MTUS1: variants seen among roughly 807,000 people sequenced by gnomAD.
MTUS1 encodes the protein microtubule associated scaffold protein 1, also known as microtubule-associated tumor suppressor 1.
In MTUS1, 109 loss-of-function variants were observed where a neutral mutation model predicts 120.8. The ratio of observed to expected loss-of-function variants is 0.90; its 90% CI spans 0.77 to 1.06. MTUS1 has a LOEUF of 1.06. MTUS1 is among the 50% of genes least tolerant of loss of function. MTUS1 has a pLI of 0.00. For synonymous variants in MTUS1, 737 were observed against 550.5 expected (o/e 1.34, Z -4.74); for missense variants, 2,210 against 1,486.3 (o/e 1.49, Z -8.01).
intron 3 of MTUS1, among the ~76,000 whole-genome samples, chr8:17,734,021 G>C (rs763571505): frequency 6.6e-6 from 1 of 151,986 alleles, no homozygotes; most frequent in East Asian, 1.9e-4. Context: ...AGCGAACTTT[G>C]GTATTTGTAA....
rs775373491 is a variant in MTUS1 at position 17,755,832 on chromosome 8, G to T, written c.-25C>A. 1 of 1,579,612 alleles carries T rather than the reference G, an allele frequency of 6.3e-7. No homozygotes were observed. The highest frequency in any genetic ancestry group is 1.2e-5 in the South Asian group (1 of 85,156). ...TCCTGAATAGTAACCTTAAACCTCT[G>T]CCATTTTATTTCTTCTTCAATTCCT... On this transcript the variant is annotated 5_prime_UTR_variant, in exon 2 of 15. Coordinates refer to ENST00000693296, the MANE Select transcript of MTUS1 (RefSeq NM_001363059.2).
chr8:17,719,798 A>C (rs573490542), intron 4 of MTUS1, among the ~76,000 whole-genome samples: 13 of 152,314 alleles, frequency 8.5e-5, no homozygotes, highest in Middle Eastern at 3.4e-3. Flanking sequence ...AAGAAAAAAA[A>C]CAAAAAACAA....
intron 1 of MTUS1, among the ~76,000 whole-genome samples, chr8:17,791,995 G>A (rs144913217): frequency 6.6e-6 from 1 of 152,260 alleles, no homozygotes; most frequent in East Asian, 1.9e-4. Context: ...CAAAGGTAAT[G>A]AAATTTCACT....
At chr8:17,784,878 G>C (rs1026244516) in intron 1 of MTUS1, among the ~76,000 whole-genome samples, 1 of 151,486 alleles carries the variant, frequency 6.6e-6, no homozygotes, top group Non-Finnish European at 1.5e-5. Context: ...TCCGCCTCCC[G>C]GCTTCAAGTG....
At chr8:17,732,205 G>GAGGACATT (rs2046632346) in intron 3 of MTUS1, among the ~76,000 whole-genome samples, 1 of 152,214 alleles carries the variant, frequency 6.6e-6, no homozygotes, top group South Asian at 2.1e-4. Context: ...GAGGCAGAAA[G>GAGGACATT]AGGACATTTA....
At chr8:17,676,429 C>A in intron 7 of MTUS1, 1 of 677,028 alleles carries the variant, frequency 1.5e-6, no homozygotes, top group Non-Finnish European at 2.7e-6. Flanking sequence ...ACATTCAAAG[C>A]TCTAGCAGGA....
chr8:17,755,896 GT>G lies in MTUS1; in HGVS notation c.-90del. The G allele has an allele frequency of 6.7e-7, 1 of 1,503,014 alleles. No individual in the cohort carries two copies. 93.1% of individuals were successfully genotyped at this position (1,503,014 alleles called of 1,614,324 possible). On this transcript the variant is annotated 5_prime_UTR_variant, in exon 2 of 15. Coordinates refer to ENST00000693296, the MANE Select transcript of MTUS1 (RefSeq NM_001363059.2). ...GTGGGCAAAATGGTCTGTCTTCTAG[GT>G]TTTTCAGCACAGTTGAAAGGTTTTC...
chr8:17,645,633 A>T lies in MTUS1; in HGVS notation c.*293T>A. Reference sequence around the variant, plus strand: ...TTTTCCCCCTATGCTTAGGTGAAAAAGGCAATGAACAAGATGCTCTCGTTC... The same window carrying T: ...TTTTCCCCCTATGCTTAGGTGAAAATGGCAATGAACAAGATGCTCTCGTTC... On this transcript the variant is annotated 3_prime_UTR_variant, in exon 15 of 15. Coordinates refer to ENST00000693296, the MANE Select transcript of MTUS1 (RefSeq NM_001363059.2). The T allele has an allele frequency of 3.8e-6, 1 of 260,754 alleles. No homozygotes were observed. The highest frequency in any genetic ancestry group is 7.2e-6 in the Non-Finnish European group (1 of 139,244). 16.2% of individuals were successfully genotyped at this position (260,754 alleles called of 1,614,324 possible). A position where few individuals can be genotyped will look rare whatever the true frequency, so the allele number is the denominator to read the frequency against.
chr8:17,671,907 T>C (rs886640922), intron 8 of MTUS1, among the ~76,000 whole-genome samples: 1 of 152,214 alleles, frequency 6.6e-6, no homozygotes, highest in Non-Finnish European at 1.5e-5. Context: ...ACTACACCAC[T>C]GCTTTATATG....
In MTUS1 at chr8:17,755,153, T is replaced by C; in HGVS notation, c.655A>G (p.Arg219Gly). Residue 219 changes from arginine to glycine, a missense_variant, in exon 2 of 15, where the codon AGA becomes GGA. By Grantham distance (125) the Arg-to-Gly change is moderately radical. Coordinates refer to ENST00000693296, the MANE Select transcript of MTUS1 (RefSeq NM_001363059.2). ...TSSHSDKTHA[R>G]ETTYDRESFE... ...CTTTCTCTATCATAAGTAGTTTCTC[T>C]TGCATGCGTCTTATCAGAATGGGAA... 1 of 1,614,044 alleles carries C rather than the reference T, an allele frequency of 6.2e-7. No individual in the cohort carries two copies.
At chr8:17,696,924 G>C (rs888173635) in intron 6 of MTUS1, among the ~76,000 whole-genome samples, 2 of 152,188 alleles carry the variant, frequency 1.3e-5, no homozygotes, top group African/African-American at 4.8e-5. Context: ...ATTTACCTGT[G>C]TCCTATTTCC....
intron 8 of MTUS1, among the ~76,000 whole-genome samples, chr8:17,657,495 G>A (rs1030725969): frequency 6.7e-6 from 1 of 150,186 alleles, no homozygotes; most frequent in African/African-American, 2.4e-5. Flanking sequence ...GTGAACCCGG[G>A]AGGCGGAGCT....
chr8:17,702,609 A>G (rs1223024467), intron 6 of MTUS1, among the ~76,000 whole-genome samples: 2 of 152,180 alleles, frequency 1.3e-5, no homozygotes, highest in African/African-American at 2.4e-5. Flanking sequence ...GATGCCTCCT[A>G]TAAGTGGAAT....
At chr8:17,721,648 C>G in intron 4 of MTUS1, 1 of 1,495,364 alleles carries the variant, frequency 6.7e-7, no homozygotes, top group Non-Finnish European at 8.9e-7. Flanking sequence ...GATCCTAAAT[C>G]AATTTATTGA....
intron 1 of MTUS1, among the ~76,000 whole-genome samples, chr8:17,778,273 A>C (rs1038490372): frequency 3.3e-5 from 5 of 152,206 alleles, no homozygotes; most frequent in African/African-American, 7.2e-5. Flanking sequence ...GTCACACACA[A>C]AAGTCTCCAT....
At chr8:17,700,747 A>G (rs1186609330) in intron 6 of MTUS1, among the ~76,000 whole-genome samples, 2 of 152,142 alleles carry the variant, frequency 1.3e-5, no homozygotes, top group African/African-American at 2.4e-5. Flanking sequence ...AAGTGTTAGA[A>G]TAATTTTATA....
At chr8:17,715,427 T>G (rs186949758) in intron 5 of MTUS1, among the ~76,000 whole-genome samples, 1 of 152,278 alleles carries the variant, frequency 6.6e-6, no homozygotes, top group East Asian at 1.9e-4. Flanking sequence ...GTAATAAACA[T>G]AAAACATCTA....
intron 8 of MTUS1, among the ~76,000 whole-genome samples, chr8:17,665,603 T>A (rs981915126): frequency 6.6e-6 from 1 of 152,262 alleles, no homozygotes; most frequent in Non-Finnish European, 1.5e-5. Context: ...TCAAGCGATC[T>A]GTCCACCTCA....
chr8:17,709,966 C>G (rs1245446413), intron 6 of MTUS1, among the ~76,000 whole-genome samples: 1 of 151,430 alleles, frequency 6.6e-6, no homozygotes, highest in Non-Finnish European at 1.5e-5. Context: ...GAGATCATGC[C>G]ACTGCACTCC....
Sources: gnomAD v4.1 joint callset for allele counts (sites outside exome capture counted in the v4.1 genomes callset) on GRCh38, gnomAD v4.1.1 for gene constraint, MANE v1.5 for transcripts, NCBI Gene and HGNC (gene_info 2026-07-23, HGNC 2026-07-21) for gene names.